Variants in NCAM2 observed in about 807,000 individuals in gnomAD.
The protein encoded by NCAM2 is N-CAM-2.
Under a neutral mutation model 98.1 loss-of-function variants are expected in NCAM2, and 30 were observed. The observed-to-expected ratio is 0.31, with a 90% CI of 0.23 to 0.41. The LOEUF (loss-of-function observed/expected upper bound fraction) is 0.41. Ranked by LOEUF, NCAM2 falls within the 10% of genes least tolerant of loss-of-function variation. The probability of loss-of-function intolerance (pLI) is 1.00; values close to 1 mark genes in which losing one functional copy is unlikely to be tolerated. For synonymous variants in NCAM2, 368 were observed against 342.4 expected (o/e 1.07, Z -0.83); for missense variants, 867 against 1,005.8 (o/e 0.86, Z 1.87).
chr21:21,238,836 C>G lies in NCAM2; in HGVS notation c.56-41742C>G, dbSNP rs974297771. On this transcript the variant is annotated intron_variant, in intron 1 of 17. Transcript: ENST00000400546. Reference sequence around the variant, plus strand: ...TGTTTACGTCAATTTCCTGGGGTTGCAAAATGGCAGCTCCTCAAATATGTA... The same window carrying G: ...TGTTTACGTCAATTTCCTGGGGTTGGAAAATGGCAGCTCCTCAAATATGTA... 4.6e-5 allele frequency among the ~76,000 whole-genome samples: 7 copies of G among 152,172 alleles called. No individual in the cohort carries two copies. The East Asian group carries it at 1.4e-3, about 29-fold the overall frequency.
chr21:21,240,501 CAGAG>C (rs2071024588), intron 1 of NCAM2, among the ~76,000 whole-genome samples: 1 of 152,068 alleles, frequency 6.6e-6, no homozygotes, highest in South Asian at 2.1e-4. Context: ...GTCTCTTTAC[CAGAG>C]AGCCTCATGG....
intron 1 of NCAM2, among the ~76,000 whole-genome samples, chr21:21,122,897 A>G (rs897942148): frequency 2.0e-5 from 3 of 152,146 alleles, no homozygotes; most frequent in Non-Finnish European, 4.4e-5. Context: ...CAAACTATCT[A>G]TTGCAGTCTC....
intron 9 of NCAM2, among the ~76,000 whole-genome samples, chr21:21,397,195 T>C (rs913509267): frequency 6.6e-6 from 1 of 152,106 alleles, no homozygotes; most frequent in Non-Finnish European, 1.5e-5. Flanking sequence ...TGGTTGGCCA[T>C]GGGTAGGCCT....
At chr21:21,468,878 T>G in intron 14 of NCAM2, 95 bp downstream of exon 14, 1 of 1,091,880 alleles carries the variant, frequency 9.2e-7, no homozygotes, top group Non-Finnish European at 1.3e-6. Context: ...GAATGTGTAT[T>G]TAGTAATTGT....
chr21:21,435,903 A>G (rs2826836), intron 12 of NCAM2, among the ~76,000 whole-genome samples: 50,180 of 151,970 alleles, frequency 0.33, 8,436 homozygotes, highest in African/African-American at 0.4. Flanking sequence ...CCATATTTGT[A>G]TAGCAGGCAT....
At chr21:21,013,039 C>A (rs1024645947) in intron 1 of NCAM2, among the ~76,000 whole-genome samples, 2 of 152,112 alleles carry the variant, frequency 1.3e-5, no homozygotes, top group Non-Finnish European at 2.9e-5. Context: ...CCCTGAGACA[C>A]AACAATATTG....
chr21:21,054,319 G>A (rs1459560220), intron 1 of NCAM2, among the ~76,000 whole-genome samples: 3 of 151,894 alleles, frequency 2.0e-5, no homozygotes, highest in Admixed American at 6.6e-5. Flanking sequence ...AAACAGATGG[G>A]TTATTTTTAA....
intron 12 of NCAM2, among the ~76,000 whole-genome samples, chr21:21,465,543 G>GTTATC (rs1983569201): frequency 9.5e-6 from 1 of 105,554 alleles, no homozygotes; most frequent in Admixed American, 8.7e-5. Flanking sequence ...ATGTTATCTA[G>GTTATC]TAAATTATAA....
intron 8 of NCAM2, among the ~76,000 whole-genome samples, chr21:21,338,968 C>T (rs1340861927): frequency 6.6e-6 from 1 of 151,980 alleles, no homozygotes; most frequent in Non-Finnish European, 1.5e-5. Flanking sequence ...AACTTTAAAC[C>T]TCAGCAATTT....
intron 1 of NCAM2, among the ~76,000 whole-genome samples, chr21:21,101,785 A>C (rs2066246171): frequency 6.6e-6 from 1 of 152,086 alleles, no homozygotes; most frequent in Admixed American, 6.6e-5. Context: ...CAAAAAAATA[A>C]ATGAACAAAA....
intron 8 of NCAM2, among the ~76,000 whole-genome samples, chr21:21,340,628 A>G (rs2075000894): frequency 6.6e-6 from 1 of 151,922 alleles, no homozygotes; most frequent in Admixed American, 6.6e-5. Context: ...AGTCTATTGT[A>G]TTTCTATTAT....
At chr21:21,177,996 A>G (rs1266283760) in intron 1 of NCAM2, among the ~76,000 whole-genome samples, 5 of 152,118 alleles carry the variant, frequency 3.3e-5, no homozygotes, top group Non-Finnish European at 7.4e-5. Context: ...CAGTTTATAT[A>G]TTTTTATATT....
intron 15 of NCAM2, among the ~76,000 whole-genome samples, chr21:21,497,051 C>T (rs1276768041): frequency 6.6e-6 from 1 of 152,040 alleles, no homozygotes; most frequent in Admixed American, 6.6e-5. Flanking sequence ...GACATCATGT[C>T]CTTTGCAGCA....
At chr21:21,069,877 C>A (rs1483403203) in intron 1 of NCAM2, among the ~76,000 whole-genome samples, 1 of 152,066 alleles carries the variant, frequency 6.6e-6, no homozygotes, top group Non-Finnish European at 1.5e-5. Flanking sequence ...CTGTGACATC[C>A]CAAGACAGAG....
intron 10 of NCAM2, among the ~76,000 whole-genome samples, chr21:21,411,460 G>T (rs185465687): frequency 2.6e-5 from 4 of 151,240 alleles, no homozygotes; most frequent in African/African-American, 7.3e-5. Flanking sequence ...CTAAAAATAA[G>T]ATTTTGTATA....
At chr21:21,516,424 A>C (rs2146375751) in intron 16 of NCAM2, among the ~76,000 whole-genome samples, 1 of 152,222 alleles carries the variant, frequency 6.6e-6, no homozygotes, top group South Asian at 2.1e-4. Context: ...TACTTTTCTT[A>C]AAATGAAACG....
chr21:21,381,491 T>A (rs762692845), intron 9 of NCAM2, among the ~76,000 whole-genome samples: 18 of 152,200 alleles, frequency 1.2e-4, no homozygotes, highest in Non-Finnish European at 2.2e-4. Context: ...TGGCAATATT[T>A]TTGGTTTTTG....
chr21:21,283,216 T>A (rs2072988408), intron 2 of NCAM2, among the ~76,000 whole-genome samples: 1 of 151,990 alleles, frequency 6.6e-6, no homozygotes, highest in South Asian at 2.1e-4. Flanking sequence ...GAAAGGAGGA[T>A]AATTTGTTTC....
intron 1 of NCAM2, among the ~76,000 whole-genome samples, chr21:21,254,790 G>T (rs1025323538): frequency 2.6e-5 from 4 of 152,076 alleles, no homozygotes; most frequent in Admixed American, 6.6e-5. Context: ...CGGCGATAGG[G>T]TTATAGGCCC....
Sources: allele counts gnomAD v4.1 joint callset (sites outside exome capture counted in the v4.1 genomes callset), GRCh38; gene constraint gnomAD v4.1.1; transcripts MANE v1.5; gene names NCBI Gene and HGNC (gene_info 2026-07-23, HGNC 2026-07-21).